The following TMEM232 variants were observed in gnomAD, a reference collection of about 807,000 sequenced individuals.
TMEM232 encodes transmembrane protein 232.
TMEM232 carries 80 observed loss-of-function variants against 78.8 expected under a neutral mutation model. The ratio of observed to expected loss-of-function variants is 1.01; its 90% confidence interval spans 0.85 to 1.22. The LOEUF is 1.22. TMEM232 is among the 50% of genes most tolerant of loss of function. The pLI, the probability that TMEM232 is intolerant of heterozygous loss-of-function variation, is 0.00. For synonymous variants in TMEM232, 297 were observed against 254.3 expected (o/e 1.17, Z -1.60); for missense variants, 881 against 742.2 (o/e 1.19, Z -2.17).
chr5:110,684,402 G>C (rs1793141558), intron 1 of TMEM232, among the ~76,000 whole-genome samples: 1 of 152,040 alleles, frequency 6.6e-6, no homozygotes, highest in African/African-American at 2.4e-5. Context: ...GAGTTTTAGT[G>C]CCAGTAAAGA....
At chr5:110,472,504 C>T (rs1041295910) in intron 12 of TMEM232, among the ~76,000 whole-genome samples, 1 of 151,818 alleles carries the variant, frequency 6.6e-6, no homozygotes, top group African/African-American at 2.4e-5. Flanking sequence ...AATGCAATAC[C>T]TATCAAAATA....
In TMEM232 at chr5:110,489,897, G is replaced by A. The variant is rs139391886; in HGVS notation, c.1703+38691C>T. Reference sequence around the variant, plus strand: ...TCCTAGCACTTTGGAAGGCCGAGGCGGGCGGATCACAAGGTCAAGAGATTG... The same window carrying A: ...TCCTAGCACTTTGGAAGGCCGAGGCAGGCGGATCACAAGGTCAAGAGATTG... On this transcript the variant is annotated intron_variant, in intron 12 of 13. Coordinates refer to ENST00000455884, the MANE Select transcript of TMEM232 (RefSeq NM_001039763.4). Among the ~76,000 whole-genome samples the A allele has an allele frequency of 6.8e-3, 1,029 of 151,956 alleles. 14 individuals carry two copies. Among genetic ancestry groups the A allele is most frequent in the African/African-American group, 0.023 (965 of 41,472 alleles).
chr5:110,431,748 T>C (rs932389862), intron 12 of TMEM232, among the ~76,000 whole-genome samples: 4 of 151,520 alleles, frequency 2.6e-5, no homozygotes, highest in African/African-American at 9.7e-5. Flanking sequence ...AATTAAGAAG[T>C]TGGTAGGTGT....
intron 13 of TMEM232, among the ~76,000 whole-genome samples, chr5:110,422,067 C>G (rs1295137532): frequency 6.6e-6 from 1 of 152,096 alleles, no homozygotes; most frequent in African/African-American, 2.4e-5. Context: ...CTATGATACT[C>G]AACTATGACA....
At chr5:110,476,281 C>G (rs1763242746) in intron 12 of TMEM232, among the ~76,000 whole-genome samples, 1 of 151,852 alleles carries the variant, frequency 6.6e-6, no homozygotes, top group South Asian at 2.1e-4. Flanking sequence ...TCTCATCCAA[C>G]TTGACTGGTG....
At chr5:110,412,904 T>G (rs533303112) in intron 2 of TMEM232, among the ~76,000 whole-genome samples, 1 of 152,302 alleles carries the variant, frequency 6.6e-6, no homozygotes, top group South Asian at 2.1e-4. Context: ...AACATAAGTT[T>G]CAAAGCCTTA....
At chr5:110,551,812 C>A (rs1163532694) in intron 11 of TMEM232, among the ~76,000 whole-genome samples, 1 of 152,036 alleles carries the variant, frequency 6.6e-6, no homozygotes, top group Non-Finnish European at 1.5e-5. Context: ...GATTTCTCAA[C>A]AGAAATGATA....
intron 6 of TMEM232, among the ~76,000 whole-genome samples, chr5:110,625,769 TTTGACA>T (rs1442893531): frequency 6.6e-6 from 1 of 150,532 alleles, no homozygotes; most frequent in African/African-American, 2.4e-5. Context: ...TAATGGATAC[TTTGACA>T]TTGTAATTCT....
At chr5:110,528,963 A>T in intron 11 of TMEM232, 128 bp from the exon 12 acceptor site, 1 of 940,350 alleles carries the variant, frequency 1.1e-6, no homozygotes, top group Non-Finnish European at 1.4e-6. Context: ...CCTGTTAAGT[A>T]AAAATAATCT....
chr5:110,416,044 A>G (rs1245107325), downstream of TMEM232, among the ~76,000 whole-genome samples: 1 of 152,234 alleles, frequency 6.6e-6, no homozygotes, highest in African/African-American at 2.4e-5. Flanking sequence ...GTCACCATGA[A>G]AAATGCATGT....
At chr5:110,735,644 T>C (rs1799080145) in intron 1 of TMEM232, among the ~76,000 whole-genome samples, 1 of 152,180 alleles carries the variant, frequency 6.6e-6, no homozygotes, top group South Asian at 2.1e-4. Context: ...TTGGACTTAG[T>C]GACTCTCTTC....
chr5:110,637,668 G>C (rs1200962095), intron 5 of TMEM232, among the ~76,000 whole-genome samples: 1 of 151,576 alleles, frequency 6.6e-6, no homozygotes, highest in Non-Finnish European at 1.5e-5. Context: ...ACATTTGTTT[G>C]ACTAATAATA....
chr5:110,687,793 CA>C (rs1793613188), intron 1 of TMEM232, among the ~76,000 whole-genome samples: 1 of 151,946 alleles, frequency 6.6e-6, no homozygotes, highest in Non-Finnish European at 1.5e-5. Context: ...ATCCTAATTG[CA>C]AACCTTTGGT....
In TMEM232 at chr5:110,667,335, G is replaced by C. The variant is rs139849547; in HGVS notation, c.18C>G (p.Asn6Lys). MNMPV[N>K]KSPMINTCGG... ...CACATGTATTAATCATAGGTGATTT[G>C]TTAACAGGCATATTCATAAATCATA... Residue 6 changes from asparagine (N) to lysine (K), a missense_variant, in exon 2 of 14, where the codon AAC becomes AAG. By Grantham distance (94) the Asn-to-Lys change is moderately conservative (BLOSUM62 0). Transcript: ENST00000455884. 2.9e-4 allele frequency: 449 copies of C among 1,523,418 alleles called. 2 individuals carry two copies. The East Asian group carries it at 9.8e-3, about 33-fold the overall frequency. The allele number at this position is 1,523,418 out of a possible 1,614,324, so 94.4% of individuals were successfully genotyped here. A position where few individuals can be genotyped will look rare whatever the true frequency, so the allele number is the denominator to read the frequency against.
chr5:110,586,427 G>A (rs951736072), intron 10 of TMEM232, among the ~76,000 whole-genome samples: 13 of 151,984 alleles, frequency 8.6e-5, no homozygotes, highest in East Asian at 1.9e-4. Context: ...TAGAACTTAT[G>A]TGTGGTTATG....
chr5:110,515,765 C>T (rs371190229), intron 12 of TMEM232, among the ~76,000 whole-genome samples: 4 of 152,310 alleles, frequency 2.6e-5, no homozygotes, highest in South Asian at 2.1e-4. Context: ...TCTACTACTA[C>T]GGCACCAGCT....
chr5:110,597,552 C>T lies in TMEM232; in HGVS notation c.1276+7557G>A, dbSNP rs1260305749. On this transcript the variant is annotated intron_variant, in intron 10 of 13. Coordinates refer to ENST00000455884, the MANE Select transcript of TMEM232 (RefSeq NM_001039763.4). ...TGGAACCAAAAAAGAGCCCGCATCG[C>T]CAAGTCAATCCTAAGCCAAAAGAAC... Among the ~76,000 whole-genome samples the T allele has an allele frequency of 2.6e-5, 4 of 151,664 alleles. No individual in the cohort carries two copies. The East Asian group carries it at 5.8e-4, about 22-fold the overall frequency.
intron 12 of TMEM232, among the ~76,000 whole-genome samples, chr5:110,508,130 T>A (rs1269723119): frequency 6.6e-6 from 1 of 152,086 alleles, no homozygotes; most frequent in Non-Finnish European, 1.5e-5. Context: ...CCCAAGGGGA[T>A]CACTTGACAT....
At chr5:110,718,277 CT>C (rs938523153) in intron 1 of TMEM232, among the ~76,000 whole-genome samples, 1 of 152,060 alleles carries the variant, frequency 6.6e-6, no homozygotes, top group African/African-American at 2.4e-5. Flanking sequence ...ACCTCCAAGG[CT>C]TTCAGATAGG....
Sources: gnomAD v4.1 joint callset for allele counts (sites outside exome capture counted in the v4.1 genomes callset) on GRCh38, gnomAD v4.1.1 for gene constraint, MANE v1.5 for transcripts, NCBI Gene and HGNC (gene_info 2026-07-23, HGNC 2026-07-21) for gene names.